Variants in LRP2 observed in about 807,000 individuals in gnomAD.
The protein encoded by LRP2 is low-density lipoprotein receptor-related protein 2.
A neutral mutation model predicts 531.0 loss-of-function variants in LRP2; 172 were observed. The ratio of observed to expected loss-of-function variants is 0.32; its 90% CI spans 0.29 to 0.37. The LOEUF (loss-of-function observed/expected upper bound fraction) is 0.37. Among genes scored for constraint, LRP2 ranks in the 10% least tolerant of loss-of-function variants. LRP2 has a pLI of 1.00. For missense variants in LRP2, 5,167 were observed against 5,868.3 expected (o/e 0.88, Z 3.90); for synonymous variants, 1,992 against 2,027.6 (o/e 0.98, Z 0.47).
intron 15 of LRP2, among the ~76,000 whole-genome samples, 184 bp downstream of exon 15, chr2:169,272,743 T>C (rs1683451092): frequency 6.6e-6 from 1 of 152,146 alleles, no homozygotes; most frequent in African/African-American, 2.4e-5. Flanking sequence ...CAAACATAGT[T>C]CTGTGTATAG....
At position 169,140,074 on chromosome 2, in the gene LRP2, G is replaced by A. The variant is rs1685664571; in HGVS notation, c.13199+381C>T. On this transcript the variant is annotated intron_variant, in intron 72 of 78. Transcript: ENST00000649046. ...TGCCTTGTACTAAAGCAGCCCTGCA[G>A]ACAGCTCTTCTCCCACAGCCCTGTT... Among the ~76,000 whole-genome samples the A allele has an allele frequency of 2.6e-5, 4 of 152,202 alleles. No homozygotes were observed. In the South Asian group the frequency reaches 6.2e-4, roughly 24 times the overall value.
At chr2:169,244,392 T>C (rs1358884207) in intron 22 of LRP2, among the ~76,000 whole-genome samples, 1 of 152,228 alleles carries the variant, frequency 6.6e-6, no homozygotes, top group Non-Finnish European at 1.5e-5. Context: ...AATATATAAA[T>C]AGATAGCTGA....
chr2:169,176,647 T>C, intron 53 of LRP2, 59 bp from the exon 54 acceptor site: 1 of 1,444,888 alleles, frequency 6.9e-7, no homozygotes, highest in Non-Finnish European at 9.7e-7. Context: ...CAAGCACAGA[T>C]TAGCTGATTA....
intron 26 of LRP2, among the ~76,000 whole-genome samples, chr2:169,238,914 G>A (rs989720739): frequency 6.6e-6 from 1 of 152,088 alleles, no homozygotes; most frequent in African/African-American, 2.4e-5. Flanking sequence ...TTCTAAAAAG[G>A]AAGCTGCTTG....
Position 169,246,874 on chromosome 2 carries a change from A to C in LRP2, c.3021T>G (p.Ala1007=). The C allele has an allele frequency of 1.2e-6, 2 of 1,614,206 alleles. No individual in the cohort carries two copies. The highest frequency in any genetic ancestry group is 1.7e-6 in the Non-Finnish European group (2 of 1,180,036). Residue 1007 remains alanine (A), a synonymous_variant, in exon 21 of 79, where the codon GCT becomes GCG. Coordinates refer to ENST00000649046, the MANE Select transcript of LRP2 (RefSeq NM_004525.3). ...CCCCCTCGCATGTCAAGTGATTGGA[A>C]GCCAGCCTCATTCCATAAGGGCACC... ...VCGCPYGMRL[A]SNHLTCEGDP...
chr2:169,287,263 TATAAA>T (rs1387346013), intron 9 of LRP2, among the ~76,000 whole-genome samples: 1 of 152,224 alleles, frequency 6.6e-6, no homozygotes, highest in African/African-American at 2.4e-5. Flanking sequence ...AACTTTTATT[TATAAA>T]ATGTTTTAAA....
chr2:169,131,809 A>G (rs1395092978), intron 77 of LRP2, among the ~76,000 whole-genome samples: 1 of 152,250 alleles, frequency 6.6e-6, no homozygotes, highest in Non-Finnish European at 1.5e-5. Flanking sequence ...CTCTAGCCCC[A>G]GAAGTAAAAC....
intron 4 of LRP2, among the ~76,000 whole-genome samples, chr2:169,301,948 C>G (rs989693570): frequency 2.6e-5 from 4 of 152,074 alleles, no homozygotes; most frequent in Admixed American, 6.6e-5. Context: ...GAATTGAGCC[C>G]TTCTTTGGAG....
chr2:169,188,033 C>A lies in LRP2; in HGVS notation c.9265G>T (p.Glu3089Ter). Reference sequence around the variant, plus strand: ...AGGTGGTTGCAGAGTTTCATCATCTCGATGCAGCGCCCATTGTCACACTTG... The same window carrying A: ...AGGTGGTTGCAGAGTTTCATCATCTAGATGCAGCGCCCATTGTCACACTTG... Reference protein sequence around the residue: ...EFKCDNGRCIEMMKLCNHLDD... With the variant: ...EFKCDNGRCI Residue 3089 changes from glutamate (E) to a stop codon, truncating the protein, a stop_gained, in exon 49 of 79, where the codon GAG (glutamate) becomes TAG (stop). Transcript: ENST00000649046. LOFTEE classifies it high-confidence loss of function. The A allele has an allele frequency of 6.2e-7, 1 of 1,614,098 alleles. No homozygotes were observed. The highest frequency in any genetic ancestry group is 8.5e-7 in the Non-Finnish European group (1 of 1,179,994).
chr2:169,347,662 A>G (rs1459725078), intron 1 of LRP2, among the ~76,000 whole-genome samples: 1 of 152,058 alleles, frequency 6.6e-6, no homozygotes, highest in Non-Finnish European at 1.5e-5. Context: ...ATCAATCCGT[A>G]CCTAAAAAGT....
chr2:169,310,089 G>C (rs1684549686), intron 3 of LRP2, among the ~76,000 whole-genome samples: 1 of 152,182 alleles, frequency 6.6e-6, no homozygotes, highest in Non-Finnish European at 1.5e-5. Flanking sequence ...CTGAGACTTT[G>C]CTGAAGTTGC....
At chr2:169,173,334 C>A (rs559908998) in intron 56 of LRP2, 110 bp from the exon 57 acceptor site, 107 of 1,329,588 alleles carry the variant, frequency 8.0e-5, no homozygotes, top group Middle Eastern at 3.6e-4. Flanking sequence ...TGTTACCAAG[C>A]AAACCGCCTC....
chr2:169,271,411 T>C (rs1683409897), intron 15 of LRP2, among the ~76,000 whole-genome samples: 1 of 151,888 alleles, frequency 6.6e-6, no homozygotes. Flanking sequence ...ATACATCTAA[T>C]GTAATGACGA....
intron 26 of LRP2, 114 bp downstream of exon 26, chr2:169,239,413 C>T: frequency 6.4e-7 from 1 of 1,569,108 alleles, no homozygotes; most frequent in Admixed American, 1.7e-5. Context: ...ATAATCTTTC[C>T]AGGATTCAAG....
At chr2:169,355,241 G>A (rs1268777111) in intron 1 of LRP2, among the ~76,000 whole-genome samples, 1 of 152,132 alleles carries the variant, frequency 6.6e-6, no homozygotes, top group Non-Finnish European at 1.5e-5. Flanking sequence ...TTTTCTTAAT[G>A]TTTCCAATAC....
At position 169,137,511 on chromosome 2, in the gene LRP2, A is replaced by AAGAG. The variant is rs138614485; in HGVS notation, c.13519-22_13519-19dup. 1,205 of 1,275,990 alleles carry AAGAG rather than the reference A, an allele frequency of 9.4e-4. 5 individuals carry two copies. In the African/African-American group the frequency reaches 0.014, roughly 14 times the overall value. 79.0% of individuals were successfully genotyped at this position (1,275,990 alleles called of 1,614,324 possible). On this transcript the variant is annotated intron_variant, in intron 75 of 78. Coordinates refer to ENST00000649046, the MANE Select transcript of LRP2 (RefSeq NM_004525.3). ...TCTTCACTCTGATGGCAGAGACAGA[A>AAGAG]AGAGAGAGAGAGAGAGAGAGAGAAA... is the stretch of plus-strand genomic sequence containing the variant.
intron 1 of LRP2, among the ~76,000 whole-genome samples, chr2:169,339,302 C>G (rs1468913852): frequency 2.0e-5 from 3 of 152,086 alleles, no homozygotes; most frequent in Admixed American, 2.0e-4. Flanking sequence ...TATTACTTCT[C>G]TTCCCAACTA....
intron 1 of LRP2, among the ~76,000 whole-genome samples, chr2:169,336,867 G>T (rs1404791405): frequency 2.0e-5 from 3 of 152,188 alleles, no homozygotes; most frequent in Non-Finnish European, 2.9e-5. Flanking sequence ...AAGTCAGCCA[G>T]TTCTTCCCTG....
In LRP2 at chr2:169,188,121, G is replaced by A. The variant is rs763193608; in HGVS notation, c.9177C>T (p.Asp3059=). The change falls in exon 49 of 79, where the codon GAC becomes GAT. Residue 3059 remains aspartate (D), a synonymous_variant. Transcript: ENST00000649046. ...ACAGGTGCATCAGCTCATCAGATCC[G>A]TCTCCACAGTCATTATCCTCATCAC... ...FVCDEDNDCG[D]GSDELMHLCH... is the part of the protein sequence containing the mutation. 166 of 1,614,092 alleles carry A rather than the reference G, an allele frequency of 1.0e-4. No homozygotes were observed. Among genetic ancestry groups the A allele is most frequent in the Non-Finnish European group, 1.2e-4 (147 of 1,180,020 alleles).
Sources: gnomAD v4.1 joint callset for allele counts (sites outside exome capture counted in the v4.1 genomes callset) on GRCh38, gnomAD v4.1.1 for gene constraint, MANE v1.5 for transcripts, NCBI Gene and HGNC (gene_info 2026-07-23, HGNC 2026-07-21) for gene names.